SLC39A11: variants seen among roughly 807,000 people sequenced by gnomAD.
The protein encoded by SLC39A11 is zinc transporter ZIP11.
Under a neutral mutation model 36.1 loss-of-function variants are expected in SLC39A11, and 33 were observed. That is an observed-to-expected ratio of 0.91 (90% CI 0.69 to 1.22). The LOEUF is 1.22. SLC39A11 is among the 50% of genes most tolerant of loss of function. The pLI is 0.00. For missense variants in SLC39A11, 432 were observed against 430.3 expected (o/e 1.00, Z -0.03); for synonymous variants, 166 against 170.3 (o/e 0.97, Z 0.20).
In SLC39A11 at chr17:72,794,521, C is replaced by T. The variant is rs73354750; in HGVS notation, c.601+55113G>A. Among the ~76,000 whole-genome samples the T allele has an allele frequency of 6.1e-3, 932 of 152,146 alleles. 20 individuals carry two copies. Among genetic ancestry groups the T allele is most frequent in the African/African-American group, 0.022 (893 of 41,430 alleles). On this transcript the variant is annotated intron_variant, in intron 6 of 9. Transcript: ENST00000255559. ...GTGCTTATCATGGTCCCCAAGGCCCCGGTGTCCTGTCCTCTGCCTATATCC... is the reference window on the plus strand; with the variant it reads ...GTGCTTATCATGGTCCCCAAGGCCCTGGTGTCCTGTCCTCTGCCTATATCC...
intron 6 of SLC39A11, among the ~76,000 whole-genome samples, chr17:72,826,778 G>A (rs2078046449): frequency 6.6e-6 from 1 of 152,120 alleles, no homozygotes; most frequent in East Asian, 1.9e-4. Context: ...TCAGGGAAAT[G>A]CAAATCAAAA....
At chr17:72,669,116 G>A (rs1204487076) in intron 7 of SLC39A11, among the ~76,000 whole-genome samples, 1 of 152,190 alleles carries the variant, frequency 6.6e-6, no homozygotes, top group African/African-American at 2.4e-5. Flanking sequence ...TTCTGGATGG[G>A]ATAACCATAT....
At chr17:73,071,225 A>T (rs2060152841) in intron 3 of SLC39A11, among the ~76,000 whole-genome samples, 1 of 152,204 alleles carries the variant, frequency 6.6e-6, no homozygotes, top group Non-Finnish European at 1.5e-5. Flanking sequence ...GATGCTAGCG[A>T]CTGTTACAAA....
intron 6 of SLC39A11, among the ~76,000 whole-genome samples, chr17:72,739,363 G>A (rs1489914960): frequency 6.6e-6 from 1 of 152,148 alleles, no homozygotes; most frequent in Admixed American, 6.5e-5. Flanking sequence ...CTGACCTCAA[G>A]TGACCTGTCT....
At chr17:72,759,317 A>G (rs2075483658) in intron 6 of SLC39A11, among the ~76,000 whole-genome samples, 1 of 152,178 alleles carries the variant, frequency 6.6e-6, no homozygotes, top group African/African-American at 2.4e-5. Context: ...CAGACAAATG[A>G]GCAAAGGAAC....
intron 6 of SLC39A11, among the ~76,000 whole-genome samples, chr17:72,749,691 C>G (rs1218097050): frequency 6.6e-6 from 1 of 152,060 alleles, no homozygotes; most frequent in East Asian, 1.9e-4. Flanking sequence ...AAGTGCCACC[C>G]CACCCTAGAC....
chr17:72,734,911 G>T (rs979377969), intron 7 of SLC39A11, among the ~76,000 whole-genome samples: 2 of 152,122 alleles, frequency 1.3e-5, no homozygotes, highest in Non-Finnish European at 2.9e-5. Flanking sequence ...AGTCTCTTGT[G>T]GTCTAGTGGA....
At chr17:72,673,445 G>C (rs2071106474) in intron 7 of SLC39A11, among the ~76,000 whole-genome samples, 1 of 152,144 alleles carries the variant, frequency 6.6e-6, no homozygotes, top group Non-Finnish European at 1.5e-5. Flanking sequence ...CTGAGGATGA[G>C]ATTCTTGTAT....
chr17:72,979,171 C>T (rs2088100391), intron 4 of SLC39A11, among the ~76,000 whole-genome samples: 2 of 152,134 alleles, frequency 1.3e-5, no homozygotes. Context: ...AGGGGCTCCT[C>T]CCCCTTCGCT....
At chr17:72,694,218 C>T (rs1160103099) in intron 7 of SLC39A11, among the ~76,000 whole-genome samples, 2 of 152,112 alleles carry the variant, frequency 1.3e-5, no homozygotes, top group Non-Finnish European at 2.9e-5. Flanking sequence ...CATGGGGACT[C>T]CTGAGAAGGG....
intron 5 of SLC39A11, among the ~76,000 whole-genome samples, chr17:72,864,695 C>T (rs1567847467): frequency 6.6e-6 from 1 of 152,132 alleles, no homozygotes; most frequent in Non-Finnish European, 1.5e-5. Context: ...AAAATTAGTC[C>T]TCCCACTAAA....
chr17:73,084,538 C>T (rs1034192822), intron 3 of SLC39A11, among the ~76,000 whole-genome samples: 2 of 150,792 alleles, frequency 1.3e-5, no homozygotes, highest in South Asian at 4.2e-4. Flanking sequence ...ATGTATTAGG[C>T]TAGGCCTGTG....
chr17:72,892,485 C>T (rs1296858892), intron 5 of SLC39A11, among the ~76,000 whole-genome samples: 1 of 150,970 alleles, frequency 6.6e-6, no homozygotes, highest in African/African-American at 2.4e-5. Flanking sequence ...TCTTGAGAGT[C>T]TTAGAAAAAA....
intron 6 of SLC39A11, among the ~76,000 whole-genome samples, chr17:72,848,715 T>C (rs1259711953): frequency 2.7e-5 from 3 of 112,902 alleles, no homozygotes; most frequent in East Asian, 2.2e-4. Context: ...AGCAAGACTC[T>C]GTCTTAAAAA....
intron 7 of SLC39A11, among the ~76,000 whole-genome samples, chr17:72,673,664 T>A (rs2071120135): frequency 3.9e-5 from 6 of 152,226 alleles, no homozygotes; most frequent in Admixed American, 3.9e-4. Context: ...TTAGTTTCAT[T>A]TGTTACTGCT....
At chr17:72,813,049 T>C (rs1183066888) in intron 6 of SLC39A11, among the ~76,000 whole-genome samples, 1 of 152,206 alleles carries the variant, frequency 6.6e-6, no homozygotes, top group Non-Finnish European at 1.5e-5. Context: ...AGAAAATGGT[T>C]GTTCGTGAGT....
At chr17:72,939,588 G>A (rs182217945) in intron 5 of SLC39A11, among the ~76,000 whole-genome samples, 7 of 152,256 alleles carry the variant, frequency 4.6e-5, no homozygotes, top group African/African-American at 1.2e-4. Context: ...CAAAGGATAC[G>A]GAGTTTTGGA....
intron 5 of SLC39A11, among the ~76,000 whole-genome samples, chr17:72,941,562 T>TG (rs1481575773): frequency 6.6e-6 from 1 of 151,634 alleles, no homozygotes; most frequent in East Asian, 1.9e-4. Flanking sequence ...CTGTGTTTTT[T>TG]TTTTTTTTTA....
chr17:73,007,709 C>T (rs1381876864), intron 4 of SLC39A11, among the ~76,000 whole-genome samples: 3 of 151,978 alleles, frequency 2.0e-5, no homozygotes, highest in Non-Finnish European at 4.4e-5. Flanking sequence ...AGGAGGAGAA[C>T]GGTGAACGAA....
Sources: gnomAD v4.1 joint callset for allele counts (sites outside exome capture counted in the v4.1 genomes callset) on GRCh38, gnomAD v4.1.1 for gene constraint, MANE v1.5 for transcripts, NCBI Gene and HGNC (gene_info 2026-07-23, HGNC 2026-07-21) for gene names.